Variants in KRT24 observed in about 807,000 individuals in gnomAD.
KRT24 encodes keratin 24, also known as keratin, type I cytoskeletal 24.
In KRT24, 44 loss-of-function variants were observed where a neutral mutation model predicts 51.7. That is an observed-to-expected ratio of 0.85 (90% CI 0.67 to 1.09). The LOEUF (loss-of-function observed/expected upper bound fraction) is 1.09, where lower values mean the gene tolerates loss of function less well. KRT24 is among the 50% of genes least tolerant of loss of function. KRT24 has a pLI of 0.00. For synonymous variants in KRT24, 241 were observed against 249.5 expected (o/e 0.97, Z 0.32); for missense variants, 633 against 647.0 (o/e 0.98, Z 0.24).
chr17:40,698,195 T>A lies in KRT24; in HGVS notation c.*42A>T. On this transcript the variant is annotated 3_prime_UTR_variant, in exon 8 of 8. Transcript: ENST00000264651. ...TTTCTTCGCTTGTGTCCTTCTTGAT[T>A]TTTTTTTCTTTGAAAGACACTTTTG... 2 of 1,238,140 alleles carry A rather than the reference T, an allele frequency of 1.6e-6. No homozygotes were observed. Among genetic ancestry groups the A allele is most frequent in the Non-Finnish European group, 2.4e-6 (2 of 841,630 alleles). 76.7% of individuals were successfully genotyped at this position (1,238,140 alleles called of 1,614,324 possible). A position where few individuals can be genotyped will look rare whatever the true frequency, so the allele number is the denominator to read the frequency against.
chr17:40,699,902 G>T, intron 5 of KRT24, 96 bp downstream of exon 5: 1 of 1,474,292 alleles, frequency 6.8e-7, no homozygotes, highest in Non-Finnish European at 9.4e-7. Flanking sequence ...CCTTAACACT[G>T]CCTTTTTTAT....
intron 1 of KRT24, among the ~76,000 whole-genome samples, chr17:40,702,438 A>T (rs1257433390): frequency 6.6e-6 from 1 of 152,186 alleles, no homozygotes; most frequent in Non-Finnish European, 1.5e-5. Flanking sequence ...TGGTATATTT[A>T]GGACTACATC....
Position 40,699,642 on chromosome 17 carries a change from G to T in KRT24, c.1163C>A (p.Thr388Asn). Reference sequence around the variant, plus strand: ...GTAGCCAGCTTCTGTGTCAGCCAGGGTTCCCTCCAGGGAGCTTTTCTAAGA... The same window carrying T: ...GTAGCCAGCTTCTGTGTCAGCCAGGTTTCCCTCCAGGGAGCTTTTCTAAGA... ...QLAMKSSLEG[T>N]LADTEAGYVA... The change falls in exon 6 of 8, where the codon ACC becomes AAC. Residue 388 changes from threonine to asparagine, a missense_variant. Transcript: ENST00000264651. The T allele has an allele frequency of 6.2e-7, 1 of 1,614,012 alleles. No individual in the cohort carries two copies. The highest frequency in any genetic ancestry group is 8.5e-7 in the Non-Finnish European group (1 of 1,179,938).
intron 6 of KRT24, 60 bp downstream of exon 6, chr17:40,699,384 G>T: frequency 1.5e-6 from 2 of 1,321,398 alleles, no homozygotes; most frequent in Non-Finnish European, 2.2e-6. Context: ...GTCCCATTTT[G>T]GTTTTATAAA....
In KRT24 at chr17:40,702,178, C is replaced by T. The variant is rs555067990; in HGVS notation, c.616-245G>A. On this transcript the variant is annotated intron_variant, in intron 1 of 7. Coordinates refer to ENST00000264651, the MANE Select transcript of KRT24 (RefSeq NM_019016.3). ...TCCTGAGTAGCTGGGATTACAGGGG[C>T]GTGCCACTATGCCCGGCTAATTTTT... is the stretch of plus-strand genomic sequence containing the variant. Among the ~76,000 whole-genome samples the T allele has an allele frequency of 1.1e-4, 17 of 151,820 alleles. No homozygotes were observed. In the East Asian group the frequency reaches 1.9e-3, roughly 17 times the overall value.
intron 3 of KRT24, among the ~76,000 whole-genome samples, chr17:40,700,764 T>C (rs535677109): frequency 2.0e-5 from 3 of 152,092 alleles, no homozygotes; most frequent in East Asian, 1.9e-4. Context: ...CATCATGCCC[T>C]GTTTATTTTT....
At chr17:40,699,868 T>C in intron 5 of KRT24, 130 bp downstream of exon 5, 1 of 1,258,232 alleles carries the variant, frequency 7.9e-7, no homozygotes, top group Non-Finnish European at 1.1e-6. Context: ...CTTTTAATGC[T>C]TTCTATAATC....
intron 6 of KRT24, among the ~76,000 whole-genome samples, 199 bp from the exon 7 acceptor site, chr17:40,698,849 T>C (rs2037639551): frequency 1.3e-5 from 2 of 151,196 alleles, no homozygotes; most frequent in Non-Finnish European, 2.9e-5. Context: ...TCTGGGATTA[T>C]AGGTGTGCAC....
In KRT24 at chr17:40,699,408, G is replaced by A. The variant is rs193206080; in HGVS notation, c.1361+36C>T. Reference sequence around the variant, plus strand: ...TGGTTTTATAAAATAAATTCACTAAGGTATGCATTTTAGTTTGTTCATGAC... The same window carrying A: ...TGGTTTTATAAAATAAATTCACTAAAGTATGCATTTTAGTTTGTTCATGAC... On this transcript the variant is annotated intron_variant, in intron 6 of 7. Coordinates refer to ENST00000264651, the MANE Select transcript of KRT24 (RefSeq NM_019016.3). 15 of 1,522,860 alleles carry A rather than the reference G, an allele frequency of 9.8e-6. No homozygotes were observed. The East Asian group carries it at 2.3e-4, about 23-fold the overall frequency. 94.3% of individuals were successfully genotyped at this position (1,522,860 alleles called of 1,614,324 possible).
At chr17:40,701,777 A>ATATATATATATATT (rs1567863161) in intron 2 of KRT24, 74 bp downstream of exon 2, 2 of 35,316 alleles carry the variant, frequency 5.7e-5, no homozygotes, top group Non-Finnish European at 1.1e-4. Context: ...ATATATATAT[A>ATATATATATATATT]TATTTATTTA....
rs370056385 is a variant in KRT24 at position 40,699,967 on chromosome 17, T to C, written c.1143+31A>G. 1.4e-5 allele frequency: 22 copies of C among 1,613,262 alleles called. No individual in the cohort carries two copies. The East Asian group carries it at 2.7e-4, about 20-fold the overall frequency. ...AAAACTGCATTTGCTTAACTCCCTG[T>C]TGGAAAATGTGAAAAGCTATTTGCA... On this transcript the variant is annotated intron_variant, in intron 5 of 7. Coordinates refer to ENST00000264651, the MANE Select transcript of KRT24 (RefSeq NM_019016.3).
chr17:40,700,491 A>AC (rs2037664353), intron 3 of KRT24, 108 bp from the exon 4 acceptor site: 1 of 793,876 alleles, frequency 1.3e-6, no homozygotes, highest in African/African-American at 1.7e-5. Context: ...AAGGAAAAAA[A>AC]AAAAATCAAA....
At chr17:40,702,183 C>T (rs573586815) in intron 1 of KRT24, among the ~76,000 whole-genome samples, 1 of 152,132 alleles carries the variant, frequency 6.6e-6, no homozygotes, top group East Asian at 1.9e-4. Context: ...AGGGGCGTGC[C>T]ACTATGCCCG....
chr17:40,698,775 T>C (rs1204455651), intron 6 of KRT24, 125 bp from the exon 7 acceptor site: 1 of 651,038 alleles, frequency 1.5e-6, no homozygotes, highest in East Asian at 2.6e-5. Context: ...TTGTGTCTGC[T>C]GCTTTTTTGT....
chr17:40,703,245 C>A lies in KRT24; in HGVS notation c.449G>T (p.Arg150Leu). The change falls in exon 1 of 8, where the codon CGC becomes CTC. Residue 150 changes from arginine (R) to leucine (L), a missense_variant. Physicochemically the swap from Arg to Leu is moderately radical, Grantham distance 102. Transcript: ENST00000264651. ...GACCTTGTCTAGGTAATTGGCCAAG[C>A]GGTCATTGAGGTTCTGCATGGTTTG... Reference protein sequence around the residue: ...EKQTMQNLNDRLANYLDKVRA... With the variant: ...EKQTMQNLNDLLANYLDKVRA... 6.2e-7 allele frequency: 1 copy of A among 1,614,082 alleles called. No homozygotes were observed. Among genetic ancestry groups the A allele is most frequent in the Non-Finnish European group, 8.5e-7 (1 of 1,179,992 alleles).
rs139679856 is a variant in KRT24 at position 40,699,530 on chromosome 17, G to A, written c.1275C>T (p.Asn425=). 1.7e-5 allele frequency: 27 copies of A among 1,613,788 alleles called. No individual in the cohort carries two copies. Among genetic ancestry groups the A allele is most frequent in the African/African-American group, 5.3e-5 (4 of 74,892 alleles). ...TGTCCAGCAATTGCTTGTACTCTGC[G>A]TTCTGGCATTTAGTCTCACCCCAGA... ...CQIWGETKCQ[N]AEYKQLLDIK... is the part of the protein sequence containing the mutation. Residue 425 remains asparagine, a synonymous_variant, in exon 6 of 8, where the codon AAC becomes AAT. Coordinates refer to ENST00000264651, the MANE Select transcript of KRT24 (RefSeq NM_019016.3).
At chr17:40,702,392 A>T (rs1051416483) in intron 1 of KRT24, among the ~76,000 whole-genome samples, 5 of 152,156 alleles carry the variant, frequency 3.3e-5, no homozygotes, top group African/African-American at 1.2e-4. Context: ...CTTAGTAATG[A>T]CTAAGTATAC....
In KRT24 at chr17:40,701,176, G is replaced by A. The variant is rs752093858; in HGVS notation, c.819C>T (p.Thr273=). Residue 273 remains threonine (T), a synonymous_variant, in exon 3 of 8, where the codon ACC becomes ACT. Transcript: ENST00000264651. ...TCTTCCTCAGGTAGGCTAGCTCCTC[G>A]GTGAAACTCTCAATCTGCATCTCCA... The part of the protein sequence containing the change: ...SDLEMQIESF[T]EELAYLRKNH... The A allele has an allele frequency of 1.1e-5, 17 of 1,613,814 alleles. No individual in the cohort carries two copies. In the South Asian group the frequency reaches 1.1e-4, roughly 10 times the overall value.
chr17:40,700,644 A>G (rs960218740), intron 3 of KRT24, among the ~76,000 whole-genome samples: 1 of 151,510 alleles, frequency 6.6e-6, no homozygotes, highest in African/African-American at 2.4e-5. Context: ...CCCAGGCTGG[A>G]GTGCAGTGGC....
Sources: allele counts gnomAD v4.1 joint callset (sites outside exome capture counted in the v4.1 genomes callset), GRCh38; gene constraint gnomAD v4.1.1; transcripts MANE v1.5; gene names NCBI Gene and HGNC (gene_info 2026-07-23, HGNC 2026-07-21).